Variants in GRID1 observed in about 807,000 individuals in gnomAD.
The protein encoded by GRID1 is glutamate receptor ionotropic, delta-1.
Under a neutral mutation model 98.0 loss-of-function variants are expected in GRID1, and 28 were observed. The ratio of observed to expected loss-of-function variants is 0.29; its 90% CI spans 0.21 to 0.39. GRID1 has a LOEUF of 0.39. Ranked by LOEUF, GRID1 falls within the 10% of genes least tolerant of loss-of-function variation. The pLI, the probability that GRID1 is intolerant of heterozygous loss-of-function variation, is 1.00. For missense variants in GRID1, 1,111 were observed against 1,340.5 expected (o/e 0.83, Z 2.67); for synonymous variants, 553 against 538.5 (o/e 1.03, Z -0.37).
intron 4 of GRID1, among the ~76,000 whole-genome samples, chr10:86,008,959 T>C (rs1842894340): frequency 6.6e-6 from 1 of 152,158 alleles, no homozygotes; most frequent in African/African-American, 2.4e-5. Flanking sequence ...CTTGATATCA[T>C]GTCTAATGCC....
At chr10:85,849,642 A>G (rs1843039383) in intron 8 of GRID1, among the ~76,000 whole-genome samples, 1 of 152,082 alleles carries the variant, frequency 6.6e-6, no homozygotes, top group Admixed American at 6.6e-5. Flanking sequence ...TTCAGAAATG[A>G]TGTTCTGGGT....
chr10:86,025,573 C>T (rs1843106200), intron 4 of GRID1, among the ~76,000 whole-genome samples: 1 of 152,154 alleles, frequency 6.6e-6, no homozygotes, highest in South Asian at 2.1e-4. Flanking sequence ...AACCACAACC[C>T]CAGAACAGGA....
rs529467905 is a variant in GRID1, at chr10:86,120,373, C to G, written c.726+18446G>C. On this transcript the variant is annotated intron_variant, in intron 4 of 15. Transcript: ENST00000327946. The stretch of plus-strand genomic sequence containing the variant: ...CAGAAAGCCTTATTTTGCCCCAGGA[C>G]AAATGTATTGGCTTCAGAGGACGCC... Among the ~76,000 whole-genome samples the G allele has an allele frequency of 7.7e-4, 117 of 152,300 alleles. 2 individuals are homozygous for G. The highest frequency in any genetic ancestry group is 2.6e-3 in the African/African-American group (110 of 41,570).
chr10:86,223,579 C>T (rs922812376), intron 2 of GRID1, among the ~76,000 whole-genome samples: 3 of 152,314 alleles, frequency 2.0e-5, no homozygotes, highest in Admixed American at 6.5e-5. Flanking sequence ...AGGGATGATT[C>T]CAGGCAGTTC....
At chr10:86,350,252 T>C (rs1399158349) in intron 2 of GRID1, among the ~76,000 whole-genome samples, 1 of 151,844 alleles carries the variant, frequency 6.6e-6, no homozygotes, top group Non-Finnish European at 1.5e-5. Context: ...TGGCAAGGGG[T>C]CTGGATTTGA....
rs765696915 is a variant in GRID1, at chr10:85,611,806, G to A, written c.2601+1601C>T. 1.8e-4 allele frequency among the ~76,000 whole-genome samples: 27 copies of A among 152,298 alleles called. 4 individuals carry two copies. The highest frequency in any genetic ancestry group is 1.3e-3 in the Admixed American group (20 of 15,306). ...ATATGTGTAGCCCTTCCTTACAACT[G>A]CTAGTCAGAATAATTCACTGTCCCT... On this transcript the variant is annotated intron_variant, in intron 15 of 15. Coordinates refer to ENST00000327946, the MANE Select transcript of GRID1 (RefSeq NM_017551.3).
chr10:85,615,289 C>T (rs899641916), intron 14 of GRID1, among the ~76,000 whole-genome samples: 3 of 152,194 alleles, frequency 2.0e-5, no homozygotes, highest in African/African-American at 7.2e-5. Context: ...GGCACCAGAC[C>T]TCACCTGGAC....
chr10:86,100,655 T>C (rs1176359926), intron 4 of GRID1, among the ~76,000 whole-genome samples: 2 of 152,198 alleles, frequency 1.3e-5, no homozygotes, highest in Non-Finnish European at 2.9e-5. Flanking sequence ...ATTGGTAATA[T>C]TCACTCCCCT....
chr10:86,352,318 C>G (rs1848474531), intron 2 of GRID1, among the ~76,000 whole-genome samples: 1 of 152,212 alleles, frequency 6.6e-6, no homozygotes, highest in African/African-American at 2.4e-5. Context: ...GGTCTAGCCC[C>G]AGGCCAGGGT....
chr10:86,196,532 G>A (rs763269143), intron 3 of GRID1, among the ~76,000 whole-genome samples: 2 of 152,056 alleles, frequency 1.3e-5, no homozygotes, highest in Non-Finnish European at 2.9e-5. Flanking sequence ...CCAGAAGCAC[G>A]TTAGAAAAAG....
chr10:85,658,583 G>A (rs2132566420), intron 12 of GRID1, among the ~76,000 whole-genome samples: 1 of 152,270 alleles, frequency 6.6e-6, no homozygotes, highest in Middle Eastern at 3.4e-3. Context: ...AGTGAGGAGG[G>A]CGAACAGGCA....
chr10:85,980,835 T>C (rs763930174), intron 4 of GRID1, among the ~76,000 whole-genome samples: 4 of 152,204 alleles, frequency 2.6e-5, no homozygotes, highest in Non-Finnish European at 5.9e-5. Flanking sequence ...CTTATGAGAG[T>C]CACATGGCTT....
chr10:85,741,873 T>C (rs559392274), intron 8 of GRID1, among the ~76,000 whole-genome samples: 1 of 152,164 alleles, frequency 6.6e-6, no homozygotes, highest in South Asian at 2.1e-4. Flanking sequence ...GCCAAGGTCC[T>C]TCCTGATTAG....
chr10:86,165,949 G>A (rs1008791671), intron 3 of GRID1, among the ~76,000 whole-genome samples: 12 of 152,184 alleles, frequency 7.9e-5, no homozygotes, highest in Admixed American at 7.2e-4. Context: ...CTCCGGTCAT[G>A]CTGATTGGAC....
intron 10 of GRID1, among the ~76,000 whole-genome samples, chr10:85,726,438 T>C (rs1841760644): frequency 6.6e-6 from 1 of 152,114 alleles, no homozygotes; most frequent in African/African-American, 2.4e-5. Flanking sequence ...ACAATTTCCT[T>C]CTCTAATTTA....
chr10:86,261,010 G>C (rs1004947128), intron 2 of GRID1, among the ~76,000 whole-genome samples: 3 of 152,246 alleles, frequency 2.0e-5, no homozygotes, highest in Admixed American at 1.3e-4. Flanking sequence ...CGAAGAAAAA[G>C]CTGGGTGTGG....
chr10:85,821,531 A>ACAAGC (rs1353598899), intron 8 of GRID1, among the ~76,000 whole-genome samples: 1 of 96,284 alleles, frequency 1.0e-5, no homozygotes, highest in African/African-American at 4.4e-5. Flanking sequence ...AAAAAAAAAA[A>ACAAGC]AAAAAAAAAA....
intron 4 of GRID1, among the ~76,000 whole-genome samples, chr10:85,946,733 T>C (rs1029381618): frequency 1.3e-5 from 2 of 152,062 alleles, no homozygotes; most frequent in Non-Finnish European, 2.9e-5. Flanking sequence ...TTGTCTTCAG[T>C]TTCATTTTGC....
intron 4 of GRID1, among the ~76,000 whole-genome samples, chr10:85,960,938 C>A (rs1842257621): frequency 6.6e-6 from 1 of 151,922 alleles, no homozygotes; most frequent in South Asian, 2.1e-4. Context: ...TGCTATTAAC[C>A]CTGGCCTTCA....
Sources: allele counts gnomAD v4.1 joint callset (sites outside exome capture counted in the v4.1 genomes callset), GRCh38; gene constraint gnomAD v4.1.1; transcripts MANE v1.5; gene names NCBI Gene and HGNC (gene_info 2026-07-23, HGNC 2026-07-21).